The following LAMA3 variants were observed in gnomAD, a reference collection of about 807,000 sequenced individuals.
LAMA3 encodes laminin subunit alpha-3.
A neutral mutation model predicts 402.0 loss-of-function variants in LAMA3; 281 were observed. The observed-to-expected ratio is 0.70, with a 90% CI of 0.63 to 0.77. The LOEUF (loss-of-function observed/expected upper bound fraction) is 0.77. LAMA3 is among the 30% of genes least tolerant of loss of function. The pLI is 0.00. For missense variants in LAMA3, 3,840 were observed against 4,215.5 expected (o/e 0.91, Z 2.47); for synonymous variants, 1,431 against 1,558.4 (o/e 0.92, Z 1.93).
chr18:23,788,908 T>A (rs986247170), intron 12 of LAMA3, among the ~76,000 whole-genome samples: 2 of 151,394 alleles, frequency 1.3e-5, no homozygotes, highest in African/African-American at 4.8e-5. Flanking sequence ...ATATATATAA[T>A]ATATAAAATC....
At chr18:23,761,816 TTTAAATACATTAGTTG>T (rs1433982072) in intron 7 of LAMA3, among the ~76,000 whole-genome samples, 2 of 152,224 alleles carry the variant, frequency 1.3e-5, no homozygotes, top group Non-Finnish European at 2.9e-5. Context: ...ATTAATACTA[TTTAAATACATTAGTTG>T]TTAAGGGAAA....
chr18:23,784,484 TCCA>T (rs1482464948), intron 12 of LAMA3, among the ~76,000 whole-genome samples: 10 of 152,152 alleles, frequency 6.6e-5, no homozygotes, highest in African/African-American at 2.4e-4. Context: ...GGGGCGGGTC[TCCA>T]GATGCCAGTT....
At chr18:23,800,173 G>A (rs1429166942) in intron 12 of LAMA3, among the ~76,000 whole-genome samples, 2 of 152,230 alleles carry the variant, frequency 1.3e-5, no homozygotes, top group South Asian at 2.1e-4. Context: ...GTACTTAATC[G>A]TCAATAAAGA....
At chr18:23,946,073 A>G (rs1216512957) in intron 69 of LAMA3, 71 bp from the exon 70 acceptor site, 4 of 1,446,402 alleles carry the variant, frequency 2.8e-6, no homozygotes, top group Non-Finnish European at 3.9e-6. Flanking sequence ...TTTGGCCACT[A>G]ATATTTAATA....
intron 19 of LAMA3, among the ~76,000 whole-genome samples, chr18:23,821,090 C>T (rs1568219717): frequency 6.6e-6 from 1 of 152,170 alleles, no homozygotes. Flanking sequence ...TGACTGACAA[C>T]CCAATCAAAG....
At chr18:23,896,104 G>A (rs2080865760) in intron 44 of LAMA3, among the ~76,000 whole-genome samples, 1 of 152,224 alleles carries the variant, frequency 6.6e-6, no homozygotes, top group Non-Finnish European at 1.5e-5. Flanking sequence ...GGGAGGCCGA[G>A]GCGGGTAGAT....
chr18:23,899,665 C>CA, intron 47 of LAMA3: 1 of 480,444 alleles, frequency 2.1e-6, no homozygotes, highest in Non-Finnish European at 3.7e-6. Flanking sequence ...TACCATCATG[C>CA]AAAGAAAAAA....
intron 34 of LAMA3, 92 bp from the exon 35 acceptor site, chr18:23,861,554 C>A (rs570038731): frequency 7.0e-7 from 1 of 1,436,260 alleles, no homozygotes; most frequent in Admixed American, 1.7e-5. Context: ...GGAGGCTGCC[C>A]GTGGAGCTTT....
At chr18:23,729,126 G>A (rs1247185372) in intron 2 of LAMA3, among the ~76,000 whole-genome samples, 1 of 24,548 alleles carries the variant, frequency 4.1e-5, no homozygotes, top group Non-Finnish European at 1.1e-4. Flanking sequence ...GTGTGTATGT[G>A]TGTGTGTGTG....
intron 1 of LAMA3, among the ~76,000 whole-genome samples, chr18:23,698,495 G>A (rs538869735): frequency 3.3e-4 from 51 of 152,262 alleles, no homozygotes; most frequent in East Asian, 1.7e-3. Context: ...GTGAGCCACC[G>A]CGCCCCACCT....
chr18:23,891,960 G>A (rs866835996), intron 42 of LAMA3, among the ~76,000 whole-genome samples: 1 of 152,210 alleles, frequency 6.6e-6, no homozygotes, highest in Non-Finnish European at 1.5e-5. Flanking sequence ...TGTGTCACAC[G>A]AGGAAGGATT....
intron 23 of LAMA3, among the ~76,000 whole-genome samples, chr18:23,833,089 C>G (rs1727091703): frequency 6.6e-6 from 1 of 152,064 alleles, no homozygotes; most frequent in Admixed American, 6.5e-5. Flanking sequence ...TGTCTGATTC[C>G]AGACCCCAAG....
At chr18:23,786,263 G>A (rs537389492) in intron 12 of LAMA3, among the ~76,000 whole-genome samples, 1 of 152,178 alleles carries the variant, frequency 6.6e-6, no homozygotes, top group Non-Finnish European at 1.5e-5. Flanking sequence ...TTGCCAAGAA[G>A]ATGGGCACTC....
chr18:23,805,178 A>G (rs1468822893), intron 12 of LAMA3, among the ~76,000 whole-genome samples: 1 of 152,156 alleles, frequency 6.6e-6, no homozygotes, highest in Non-Finnish European at 1.5e-5. Flanking sequence ...GTCAGGTGAT[A>G]TGTTAATTTG....
intron 6 of LAMA3, among the ~76,000 whole-genome samples, chr18:23,755,182 C>T (rs1030036970): frequency 1.3e-5 from 2 of 152,198 alleles, no homozygotes; most frequent in Non-Finnish European, 2.9e-5. Flanking sequence ...AGAGGTCCAG[C>T]TAATGTCCCT....
chr18:23,925,498 G>C (rs1245696498), intron 62 of LAMA3, among the ~76,000 whole-genome samples: 1 of 152,158 alleles, frequency 6.6e-6, no homozygotes, highest in Admixed American at 6.5e-5. Flanking sequence ...CCAAAAAGTA[G>C]ATCTATTGAA....
At chr18:23,900,010 G>A (rs2081013074) in intron 47 of LAMA3, among the ~76,000 whole-genome samples, 2 of 152,132 alleles carry the variant, frequency 1.3e-5, no homozygotes, top group African/African-American at 2.4e-5. Flanking sequence ...ATATATCGAA[G>A]GTAATTTTAT....
At chr18:23,809,069 A>C (rs1016949977) in intron 12 of LAMA3, among the ~76,000 whole-genome samples, 1 of 152,164 alleles carries the variant, frequency 6.6e-6, no homozygotes, top group Non-Finnish European at 1.5e-5. Flanking sequence ...TGTAAAGAGC[A>C]CCTCCCCAAG....
In LAMA3 at chr18:23,750,851, A is replaced by T. The variant is rs113805063; in HGVS notation, c.685-67A>T. The T allele has an allele frequency of 9.9e-4, 1,552 of 1,560,808 alleles. 17 individuals are homozygous for T. The African/African-American group carries it at 0.018, about 18-fold the overall frequency. On this transcript the variant is annotated intron_variant, in intron 4 of 74. Coordinates refer to ENST00000313654, the MANE Select transcript of LAMA3 (RefSeq NM_198129.4). ...GCCTTGGGGCATGTGAGTTATTTTTACTTACTTGCTGCTAAATTTTGATAA... is the reference window on the plus strand; with the variant it reads ...GCCTTGGGGCATGTGAGTTATTTTTTCTTACTTGCTGCTAAATTTTGATAA...
Sources: gnomAD v4.1 joint callset for allele counts (sites outside exome capture counted in the v4.1 genomes callset) on GRCh38, gnomAD v4.1.1 for gene constraint, MANE v1.5 for transcripts, NCBI Gene and HGNC (gene_info 2026-07-23, HGNC 2026-07-21) for gene names.